Variants in MTCL2 observed in about 807,000 individuals in gnomAD.
The protein encoded by MTCL2 is microtubule cross-linking factor 2.
the MTCL2 span, among the ~76,000 whole-genome samples, chr20:36,792,827 T>G: frequency 1.4e-5 from 2 of 148,090 alleles, no homozygotes; most frequent in Non-Finnish European, 3.0e-5. Context: ...ATTTTATATA[T>G]ATAGATATAT....
the MTCL2 span, among the ~76,000 whole-genome samples, chr20:36,810,981 C>A: frequency 2.0e-5 from 3 of 152,096 alleles, no homozygotes; most frequent in African/African-American, 7.2e-5. Context: ...CTGGGCCTCC[C>A]AAAGTGCTGA....
the MTCL2 span, chr20:36,794,406 C>T: frequency 1.2e-6 from 2 of 1,613,874 alleles, no homozygotes; most frequent in Admixed American, 1.7e-5. The surrounding 1 kb of genome is among the most constrained non-coding windows in gnomAD (Gnocchi z 5.4). Flanking sequence ...GCCAGGGCAC[C>T]CAGGTGGTTG....
chr20:36,841,423 G>T, the MTCL2 span, among the ~76,000 whole-genome samples: 1 of 151,964 alleles, frequency 6.6e-6, no homozygotes, highest in African/African-American at 2.4e-5. Flanking sequence ...GGTGAGGGGG[G>T]GTGCTATGTT....
the MTCL2 span, among the ~76,000 whole-genome samples, chr20:36,848,668 G>A: frequency 6.6e-6 from 1 of 152,210 alleles, no homozygotes; most frequent in Non-Finnish European, 1.5e-5. Flanking sequence ...GGGGGAGGGG[G>A]TGAGACCTCC....
chr20:36,850,528 CAAAAAAAAAA>C, the MTCL2 span, among the ~76,000 whole-genome samples: 1 of 136,576 alleles, frequency 7.3e-6, no homozygotes, highest in Admixed American at 7.4e-5. Context: ...TGTGTTTGAC[CAAAAAAAAAA>C]GAAAAAAAAA....
the MTCL2 span, among the ~76,000 whole-genome samples, chr20:36,812,326 C>T: frequency 6.6e-6 from 1 of 152,172 alleles, no homozygotes; most frequent in Non-Finnish European, 1.5e-5. Flanking sequence ...AATGACTTAT[C>T]CAAGATCTCA....
chr20:36,810,717 C>CTCTCTCTCTCTCTCT, the MTCL2 span, among the ~76,000 whole-genome samples: 19 of 94,270 alleles, frequency 2.0e-4, no homozygotes, highest in African/African-American at 6.4e-4. Context: ...TCTCTCTCTC[C>CTCTCTCTCTCTCTCT]CTCTCTCTCT....
the MTCL2 span, among the ~76,000 whole-genome samples, chr20:36,796,688 G>A: frequency 7.2e-5 from 11 of 152,142 alleles, no homozygotes; most frequent in East Asian, 9.6e-4. Flanking sequence ...TGAGTGGCTC[G>A]GGTTCCAGAG....
the MTCL2 span, among the ~76,000 whole-genome samples, chr20:36,787,993 G>C: frequency 2.0e-5 from 3 of 150,746 alleles, no homozygotes; most frequent in African/African-American, 7.3e-5. Flanking sequence ...CTGAGGTCAG[G>C]AGTTCAAGAC....
At chr20:36,801,575 T>TA in the MTCL2 span, among the ~76,000 whole-genome samples, 9 of 148,994 alleles carry the variant, frequency 6.0e-5, no homozygotes, top group East Asian at 1.2e-3. Context: ...TTTTTTTCAT[T>TA]AAAAAAAAAT....
the MTCL2 span, among the ~76,000 whole-genome samples, chr20:36,803,920 G>GCACT: frequency 1.5e-4 from 19 of 127,264 alleles, no homozygotes; most frequent in Non-Finnish European, 2.5e-4. Context: ...TTGCACCACT[G>GCACT]CACTCCAGCC....
the MTCL2 span, among the ~76,000 whole-genome samples, chr20:36,799,288 C>T: frequency 6.6e-6 from 1 of 151,922 alleles, no homozygotes; most frequent in Non-Finnish European, 1.5e-5. Context: ...GTTGGGAGTT[C>T]GAGACCAGCC....
the MTCL2 span, chr20:36,839,494 G>A: frequency 3.3e-5 from 51 of 1,557,122 alleles, 1 homozygote; most frequent in Admixed American, 9.0e-4. This position sits in a 1 kb window ranked among gnomAD's most constrained non-coding sequence, Gnocchi z 5.1. Context: ...CAGCTAGGAG[G>A]CCGGAGTACT....
At chr20:36,796,771 A>G in the MTCL2 span, 3 of 1,019,444 alleles carry the variant, frequency 2.9e-6, no homozygotes, top group East Asian at 2.5e-5. Context: ...GGGGCGGGGC[A>G]GGGCTGCGGT....
chr20:36,817,486 TTA>T, the MTCL2 span: 1 of 1,490,626 alleles, frequency 6.7e-7, no homozygotes, highest in Admixed American at 2.5e-5. Flanking sequence ...TGAGATTTAA[TTA>T]AAAAAAAAAA....
At chr20:36,832,062 G>T in the MTCL2 span, among the ~76,000 whole-genome samples, 1 of 152,332 alleles carries the variant, frequency 6.6e-6, no homozygotes, top group African/African-American at 2.4e-5. Context: ...GCAGCGCAGC[G>T]TCAGGCACAC....
chr20:36,796,238 G>A, the MTCL2 span, among the ~76,000 whole-genome samples: 2 of 152,324 alleles, frequency 1.3e-5, no homozygotes, highest in South Asian at 4.1e-4. Flanking sequence ...AACTTCAAGA[G>A]GCAGCTCCTA....
chr20:36,783,757 A>C, the MTCL2 span: 2 of 985,370 alleles, frequency 2.0e-6, no homozygotes, highest in Non-Finnish European at 2.4e-6. Context: ...CATTTGAAGA[A>C]ACCAACAAAC....
At chr20:36,838,072 G>C in the MTCL2 span, among the ~76,000 whole-genome samples, 1 of 151,522 alleles carries the variant, frequency 6.6e-6, no homozygotes, top group Non-Finnish European at 1.5e-5. Flanking sequence ...TTTTGAGACG[G>C]AGTCTCGCTC....
Sources: gnomAD v4.1 joint callset for allele counts (sites outside exome capture counted in the v4.1 genomes callset) on GRCh38, gnomAD v4.1.1 for gene constraint, Gnocchi (gnomAD v3.1) non-coding constraint, MANE v1.5 for transcripts, NCBI Gene and HGNC (gene_info 2026-07-23, HGNC 2026-07-21) for gene names.